The following PDIA2 variants were observed in gnomAD, a reference collection of about 807,000 sequenced individuals.
PDIA2 encodes the protein protein disulfide isomerase family A member 2.
Under a neutral mutation model 51.1 loss-of-function variants are expected in PDIA2, and 76 were observed. The ratio of observed to expected loss-of-function variants is 1.49; its 90% CI spans 1.24 to 1.80. The LOEUF (loss-of-function observed/expected upper bound fraction) is 1.80. PDIA2 is among the 40% of genes most tolerant of loss of function. The probability of loss-of-function intolerance (pLI) is 0.00; values close to 1 mark genes in which losing one functional copy is unlikely to be tolerated. For missense variants in PDIA2, 946 were observed against 706.5 expected (o/e 1.34, Z -3.84); for synonymous variants, 429 against 309.9 (o/e 1.38, Z -4.04).
Position 284,551 on chromosome 16 carries a change from T to C in PDIA2, c.364T>C (p.Phe122Leu). Residue 122 changes from phenylalanine to leucine, a missense_variant, in exon 2 of 11, where the codon TTC becomes CTC. Physicochemically the swap from Phe to Leu is conservative, Grantham distance 22. Coordinates refer to ENST00000219406, the MANE Select transcript of PDIA2 (RefSeq NM_006849.4). ...TGTGACGGAGTACCCTACGCTCAAG[T>C]TCTTCCGCAATGGGAACCGCACGCA... Reference protein sequence around the residue: ...FGVTEYPTLKFFRNGNRTHPE... With the variant: ...FGVTEYPTLKLFRNGNRTHPE... 6.2e-7 allele frequency: 1 copy of C among 1,612,802 alleles called. No individual in the cohort carries two copies. The highest frequency in any genetic ancestry group is 8.5e-7 in the Non-Finnish European group (1 of 1,179,762).
intron 1 of PDIA2, 70 bp downstream of exon 1, chr16:283,438 T>C (rs2052312583): frequency 6.9e-7 from 1 of 1,457,530 alleles, no homozygotes; most frequent in Admixed American, 2.5e-5. Context: ...GGCCCCACCC[T>C]TTGCCGGCAA....
intron 1 of PDIA2, chr16:284,182 G>T: frequency 4.9e-6 from 3 of 611,218 alleles, no homozygotes; most frequent in Non-Finnish European, 8.7e-6. Context: ...GGGGAGGGGG[G>T]GTGGTCTTTC....
In PDIA2 at chr16:286,939, G is replaced by A. The variant is rs368602371; in HGVS notation, c.1527G>A (p.Pro509=). The A allele has an allele frequency of 1.2e-4, 184 of 1,599,780 alleles. No individual in the cohort carries two copies. The highest frequency in any genetic ancestry group is 7.0e-4 in the African/African-American group (52 of 74,274). The part of the protein sequence containing the change: ...TEEPPEEPAA[P]FPEPPANSTM... ...AGCCCCCGGAGGAGCCAGCAGCCCC[G>A]TTCCCGGTGGGTGTCCCTAAGCCAG... Residue 509 remains proline (P), a synonymous_variant, in exon 10 of 11, where the codon CCG becomes CCA. Transcript: ENST00000219406.
chr16:284,621 G>C (rs1332058904), intron 2 of PDIA2, 28 bp downstream of exon 2: 1 of 1,606,630 alleles, frequency 6.2e-7, no homozygotes, highest in African/African-American at 1.3e-5. Context: ...CATTGGGGGG[G>C]CGGTGGCCAG....
chr16:283,304 G>C lies in PDIA2; in HGVS notation c.135G>C (p.Leu45Phe). The change falls in exon 1 of 11, where the codon TTG becomes TTC. Residue 45 changes from leucine to phenylalanine, a missense_variant. By Grantham distance (22) the Leu-to-Phe change is conservative (BLOSUM62 0). Coordinates refer to ENST00000219406, the MANE Select transcript of PDIA2 (RefSeq NM_006849.4). ...AAATCCCCAAGGAGGATGGGATCTT[G>C]GTGCTGAGCCGCCACACCCTGGGCC... ...EEEIPKEDGI[L>F]VLSRHTLGLA... 1 of 1,609,378 alleles carries C rather than the reference G, an allele frequency of 6.2e-7. No homozygotes were observed. Among genetic ancestry groups the C allele is most frequent in the Non-Finnish European group, 8.5e-7 (1 of 1,178,598 alleles).
chr16:285,400 C>G lies in PDIA2; in HGVS notation c.884C>G (p.Ala295Gly), dbSNP rs200200585. The G allele has an allele frequency of 7.7e-6, 12 of 1,561,418 alleles. No individual in the cohort carries two copies. In the East Asian group the frequency reaches 2.9e-4, roughly 38 times the overall value. Reference protein sequence around the residue: ...QTLAAHRELLAGFGEAAPRFR... With the variant: ...QTLAAHRELLGGFGEAAPRFR... Reference sequence around the variant, plus strand: ...CTGGCTGCGCACCGGGAGCTCCTAGCGGGCTTTGGGGAGGCAGCTCCCCGC... The same window carrying G: ...CTGGCTGCGCACCGGGAGCTCCTAGGGGGCTTTGGGGAGGCAGCTCCCCGC... Residue 295 changes from alanine to glycine, a missense_variant, in exon 6 of 11, where the codon GCG becomes GGG. Transcript: ENST00000219406.
Position 285,679 on chromosome 16 carries a change from T to C in PDIA2, c.1095T>C (p.His365=), listed in dbSNP as rs535742977. The part of the protein sequence containing the change: ...VTAASITAFC[H]AVLNGQVKPY... Reference sequence around the variant, plus strand: ...CAGCGTCCATCACTGCTTTCTGCCATGCAGTCCTCAACGGCCAAGTCAAGG... The same window carrying C: ...CAGCGTCCATCACTGCTTTCTGCCACGCAGTCCTCAACGGCCAAGTCAAGG... Residue 365 remains histidine, a synonymous_variant, in exon 7 of 11, where the codon CAT becomes CAC. Coordinates refer to ENST00000219406, the MANE Select transcript of PDIA2 (RefSeq NM_006849.4). 18 of 1,613,118 alleles carry C rather than the reference T, an allele frequency of 1.1e-5. No individual in the cohort carries two copies. The highest frequency in any genetic ancestry group is 8.0e-5 in the African/African-American group (6 of 74,988).
chr16:284,756 C>CGGTGGCCGGGACCTAGTGGTCATT lies in PDIA2; in HGVS notation c.507_530dup (p.Gly170_Gly177dup). The CGGTGGCCGGGACCTAGTGGTCATT allele has an allele frequency of 6.4e-7, 1 of 1,562,652 alleles. No homozygotes were observed. The highest frequency in any genetic ancestry group is 8.6e-7 in the Non-Finnish European group (1 of 1,159,362). On this transcript the variant is annotated inframe_insertion, in exon 3 of 11. Coordinates refer to ENST00000219406, the MANE Select transcript of PDIA2 (RefSeq NM_006849.4). Reference sequence around the variant, plus strand: ...ACGAGGCGGCCGCCCAGGCGCTGATCGGTGGCCGGGACCTAGTGGTCATTG... The same window carrying CGGTGGCCGGGACCTAGTGGTCATT: ...ACGAGGCGGCCGCCCAGGCGCTGATCGGTGGCCGGGACCTAGTGGTCATTGGTGGCCGGGACCTAGTGGTCATTG...
rs755205619 is a variant in PDIA2, at chr16:283,233, C to T, written c.64C>T (p.Gln22Ter). Residue 22 changes from glutamine (Q) to a stop codon, truncating the protein, a stop_gained, in exon 1 of 11, where the codon CAG (glutamine) becomes TAG (stop). Coordinates refer to ENST00000219406, the MANE Select transcript of PDIA2 (RefSeq NM_006849.4). LOFTEE classifies it high-confidence loss of function. Reference protein sequence around the residue: ...LLLRASCPWGQEQGARSPSEE... With the variant: ...LLLRASCPWG The stretch of plus-strand genomic sequence containing the variant: ...GCTCAGGGCTTCGTGCCCATGGGGT[C>T]AGGAACAGGGAGCGAGGAGCCCCTC... 6.2e-6 allele frequency: 10 copies of T among 1,610,218 alleles called. No homozygotes were observed. The highest frequency in any genetic ancestry group is 7.6e-6 in the Non-Finnish European group (9 of 1,178,886).
chr16:284,962 C>A lies in PDIA2; in HGVS notation c.625C>A (p.Arg209=), dbSNP rs376264450. The change falls in exon 4 of 11, where the codon CGG becomes AGG. Residue 209 remains arginine (R), a synonymous_variant. Transcript: ENST00000219406. ...GACCTTTGGCCTCACAGACCGGCCG[C>A]GGCTCTTTCAGCAGTTTGGCCTCAC... ...DMTFGLTDRP[R]LFQQFGLTKD... is the part of the protein sequence containing the mutation. 1 of 1,613,414 alleles carries A rather than the reference C, an allele frequency of 6.2e-7. No homozygotes were observed. The highest frequency in any genetic ancestry group is 2.2e-5 in the East Asian group (1 of 44,884).
rs758325259 is a variant in PDIA2, at chr16:285,511, G to C, written c.927G>C (p.Leu309=). The C allele has an allele frequency of 3.7e-6, 6 of 1,612,930 alleles. No individual in the cohort carries two copies. Among genetic ancestry groups the C allele is most frequent in the Admixed American group, 3.3e-5 (2 of 60,024 alleles). The change falls in exon 7 of 11, where the codon CTG becomes CTC. Residue 309 remains leucine, a synonymous_variant. Coordinates refer to ENST00000219406, the MANE Select transcript of PDIA2 (RefSeq NM_006849.4). ...GCATGGACTCCCTGCCACAGGTGCT[G>C]TTCGTGGTGGTGGACGTGGCGGCCG... ...EAAPRFRGQV[L]FVVVDVAADN...
intron 1 of PDIA2, 193 bp from the exon 2 acceptor site, chr16:284,194 A>C: frequency 1.6e-6 from 1 of 624,674 alleles, no homozygotes; most frequent in South Asian, 1.9e-5. Context: ...TGGTCTTTCA[A>C]GCTCTCCCAA....
Position 285,437 on chromosome 16 carries a change from G to C in PDIA2, c.921G>C (p.Gln307His). 6.2e-7 allele frequency: 1 copy of C among 1,610,948 alleles called. No homozygotes were observed. The highest frequency in any genetic ancestry group is 8.5e-7 in the Non-Finnish European group (1 of 1,179,312). Residue 307 changes from glutamine (Q) to histidine (H), a missense_variant and splice_region_variant, in exon 6 of 11, where the codon CAG becomes CAC. Transcript: ENST00000219406. The stretch of plus-strand genomic sequence containing the variant: ...AGGCAGCTCCCCGCTTCCGGGGGCA[G>C]GTACTGGGGGGCTGGGGGAAAGGGG... ...FGEAAPRFRG[Q>H]VLFVVVDVAA... is the part of the protein sequence containing the mutation.
chr16:285,672 T>G lies in PDIA2; in HGVS notation c.1088T>G (p.Phe363Cys). 1.2e-6 allele frequency: 2 copies of G among 1,613,206 alleles called. No individual in the cohort carries two copies. Among genetic ancestry groups the G allele is most frequent in the Non-Finnish European group, 1.7e-6 (2 of 1,179,944 alleles). The change falls in exon 7 of 11, where the codon TTC becomes TGC. Residue 363 changes from phenylalanine (F) to cysteine (C), a missense_variant. Physicochemically the swap from Phe to Cys is radical, Grantham distance 205 (BLOSUM62 -2). Transcript: ENST00000219406. ...GPVTAASITA[F>C]CHAVLNGQVK... ...GTCACCGCAGCGTCCATCACTGCTT[T>G]CTGCCATGCAGTCCTCAACGGCCAA...
At chr16:283,852 A>G (rs2052317927) in intron 1 of PDIA2, among the ~76,000 whole-genome samples, 2 of 152,142 alleles carry the variant, frequency 1.3e-5, no homozygotes, top group South Asian at 2.1e-4. Flanking sequence ...CAAGGCACGA[A>G]AGGGAGGGGT....
At position 284,980 on chromosome 16, in the gene PDIA2, G is replaced by T; in HGVS notation, c.643G>T (p.Gly215Cys). The change falls in exon 4 of 11, where the codon GGC (glycine) becomes TGC (cysteine). Residue 215 changes from glycine (G) to cysteine (C), a missense_variant. Coordinates refer to ENST00000219406, the MANE Select transcript of PDIA2 (RefSeq NM_006849.4). ...CCGGCCGCGGCTCTTTCAGCAGTTTGGCCTCACCAAGGACACTGTGGTTCT... is the reference window on the plus strand; with the variant it reads ...CCGGCCGCGGCTCTTTCAGCAGTTTTGCCTCACCAAGGACACTGTGGTTCT... ...TDRPRLFQQFGLTKDTVVLFK... is the reference protein window; with the variant it reads ...TDRPRLFQQFCLTKDTVVLFK... The T allele has an allele frequency of 6.2e-7, 1 of 1,613,420 alleles. No homozygotes were observed. Among genetic ancestry groups the T allele is most frequent in the Non-Finnish European group, 8.5e-7 (1 of 1,180,026 alleles).
chr16:285,781 C>A, intron 7 of PDIA2, 78 bp downstream of exon 7: 1 of 1,467,184 alleles, frequency 6.8e-7, no homozygotes, highest in South Asian at 1.2e-5. Context: ...GGAACAGCAG[C>A]TCTCAGAGCC....
chr16:284,887 G>A lies in PDIA2; in HGVS notation c.550G>A (p.Asp184Asn). ...GGGCCAGGCCCCTCAGGACCTGCAG[G>A]ACGAGGACGTGGCCACCTTCTTGGC... ...VVIGFFQDLQ[D>N]EDVATFLALA... Residue 184 changes from aspartate to asparagine, a missense_variant, in exon 4 of 11, where the codon GAC becomes AAC. By Grantham distance (23) the Asp-to-Asn change is conservative. Transcript: ENST00000219406. 1 of 1,612,588 alleles carries A rather than the reference G, an allele frequency of 6.2e-7. No individual in the cohort carries two copies. Among genetic ancestry groups the A allele is most frequent in the Non-Finnish European group, 8.5e-7 (1 of 1,179,654 alleles).
Position 285,494 on chromosome 16 carries a change from T to C in PDIA2, c.922-12T>C. 1.2e-6 allele frequency: 2 copies of C among 1,612,562 alleles called. No homozygotes were observed. The highest frequency in any genetic ancestry group is 1.7e-6 in the Non-Finnish European group (2 of 1,179,848). ...GAGAGTGGCCGGTGCCAGCATGGAC[T>C]CCCTGCCACAGGTGCTGTTCGTGGT... is the stretch of plus-strand genomic sequence containing the variant. On this transcript the variant is annotated splice_polypyrimidine_tract_variant and intron_variant, in intron 6 of 10. Transcript: ENST00000219406.
Sources: allele counts gnomAD v4.1 joint callset (sites outside exome capture counted in the v4.1 genomes callset), GRCh38; gene constraint gnomAD v4.1.1; transcripts MANE v1.5; gene names NCBI Gene and HGNC (gene_info 2026-07-23, HGNC 2026-07-21).